PDIA6: variants seen among roughly 807,000 people sequenced by gnomAD.
The protein encoded by PDIA6 is protein disulfide isomerase family A member 6, also known as protein disulfide-isomerase A6.
Under a neutral mutation model 58.4 loss-of-function variants are expected in PDIA6, and 29 were observed. That is an observed-to-expected ratio of 0.50 (90% CI 0.37 to 0.68). The LOEUF is 0.68. PDIA6 is among the 30% of genes least tolerant of loss of function. The probability of loss-of-function intolerance (pLI) is 0.00; values close to 1 mark genes in which losing one functional copy is unlikely to be tolerated. For synonymous variants in PDIA6, 192 were observed against 202.6 expected (o/e 0.95, Z 0.44); for missense variants, 480 against 551.0 (o/e 0.87, Z 1.29).
chr2:10,787,158 GA>G, intron 11 of PDIA6, 122 bp downstream of exon 11: 1 of 826,540 alleles, frequency 1.2e-6, no homozygotes, highest in Non-Finnish European at 2.0e-6. Flanking sequence ...CAATTCTCTG[GA>G]ATTAGTTTGC....
chr2:10,783,697 G>C lies in PDIA6; in HGVS notation c.*561C>G, dbSNP rs935682422. On this transcript the variant is annotated 3_prime_UTR_variant, in exon 13 of 13. Coordinates refer to ENST00000272227, the MANE Select transcript of PDIA6 (RefSeq NM_005742.4). ...AGCCCGGTTTCCATGTAAAATCTCT[G>C]TTGTGGTGGGCATAGGTGGCACCAT... 1 of 163,174 alleles carries C rather than the reference G, an allele frequency of 6.1e-6. No individual in the cohort carries two copies. The highest frequency in any genetic ancestry group is 2.4e-5 in the African/African-American group (1 of 41,516). The allele number at this position is 163,174 out of a possible 1,614,324, so 10.1% of individuals were successfully genotyped here.
intron 1 of PDIA6, among the ~76,000 whole-genome samples, chr2:10,811,827 C>CCCCTGCGTCTTAAG (rs1251866947): frequency 1.3e-5 from 2 of 152,236 alleles, no homozygotes; most frequent in African/African-American, 2.4e-5. Context: ...ATGCGAAGCG[C>CCCCTGCGTCTTAAG]CCCTGCGTCT....
intron 4 of PDIA6, among the ~76,000 whole-genome samples, chr2:10,795,492 CG>C (rs1422955777): frequency 3.3e-4 from 14 of 42,648 alleles, no homozygotes; most frequent in Non-Finnish European, 9.3e-4. Flanking sequence ...CATCTTCAGA[CG>C]AAGACGAAGA....
chr2:10,831,264 C>T (rs769836940), intron 1 of PDIA6, among the ~76,000 whole-genome samples: 5 of 152,208 alleles, frequency 3.3e-5, no homozygotes, highest in Admixed American at 6.5e-5. Flanking sequence ...GTGGCGCTGC[C>T]CTCCTCCCGG....
chr2:10,802,310 C>T (rs184869414), intron 2 of PDIA6, among the ~76,000 whole-genome samples, 189 bp downstream of exon 2: 2 of 152,278 alleles, frequency 1.3e-5, no homozygotes, highest in Admixed American at 6.5e-5. Context: ...CACGCATCAC[C>T]TCATCAAAAG....
intron 2 of PDIA6, among the ~76,000 whole-genome samples, chr2:10,801,917 G>A (rs1329414921): frequency 6.6e-6 from 1 of 152,196 alleles, no homozygotes; most frequent in Non-Finnish European, 1.5e-5. Context: ...AGCTGGCTAG[G>A]GTTTGGTTCT....
intron 12 of PDIA6, 23 bp downstream of exon 12, chr2:10,784,911 C>A (rs750813976): frequency 1.3e-6 from 2 of 1,503,010 alleles, no homozygotes; most frequent in African/African-American, 2.8e-5. Context: ...GCTGCCCGCA[C>A]AGCTTCCCTC....
chr2:10,815,733 C>A (rs201627345), upstream of PDIA6, among the ~76,000 whole-genome samples: 5 of 152,054 alleles, frequency 3.3e-5, no homozygotes, highest in East Asian at 9.6e-4. Context: ...TTAGTAGAGA[C>A]GGGGTTTCAC....
intron 11 of PDIA6, among the ~76,000 whole-genome samples, chr2:10,786,087 C>T (rs1277077411): frequency 6.6e-6 from 1 of 152,102 alleles, no homozygotes; most frequent in Non-Finnish European, 1.5e-5. Context: ...TTTTGGGAGG[C>T]TGAGGTGGGT....
chr2:10,793,455 C>T (rs1010158267), intron 4 of PDIA6, among the ~76,000 whole-genome samples: 15 of 152,258 alleles, frequency 9.9e-5, no homozygotes, highest in Admixed American at 4.6e-4. Context: ...CACCCTGTTG[C>T]CCAGGCTGGA....
intron 8 of PDIA6, among the ~76,000 whole-genome samples, chr2:10,789,248 C>G (rs1558439621): frequency 7.0e-6 from 1 of 143,616 alleles, no homozygotes; most frequent in Non-Finnish European, 1.6e-5. Flanking sequence ...CTGGACACAG[C>G]CTGGCTCTGC....
At chr2:10,833,001 C>CG (rs1667748094), upstream of PDIA6, among the ~76,000 whole-genome samples, 2 of 152,174 alleles carry the variant, frequency 1.3e-5, no homozygotes, top group Non-Finnish European at 2.9e-5. Flanking sequence ...GGTCACTCTC[C>CG]TTAAAAGGCC....
chr2:10,810,476 C>T (rs1169973891), intron 1 of PDIA6: 7 of 1,313,290 alleles, frequency 5.3e-6, no homozygotes, highest in South Asian at 4.9e-5. Context: ...CTTCCCTTTC[C>T]GTATAAAGAC....
In PDIA6 at chr2:10,790,503, T is replaced by C. The variant is rs1341789639; in HGVS notation, c.699+216A>G. Among the ~76,000 whole-genome samples the C allele has an allele frequency of 3.9e-5, 6 of 152,196 alleles. No individual in the cohort carries two copies. The South Asian group carries it at 1.2e-3, about 32-fold the overall frequency. Reference sequence around the variant, plus strand: ...AGTCTGGGCAAGCTGAAACCTCACATTAAGTATATACCAGAAGCAGTGTGA... The same window carrying C: ...AGTCTGGGCAAGCTGAAACCTCACACTAAGTATATACCAGAAGCAGTGTGA... On this transcript the variant is annotated intron_variant, in intron 7 of 12. Transcript: ENST00000272227.
chr2:10,813,750 C>T (rs1051747323), upstream of PDIA6, among the ~76,000 whole-genome samples: 3 of 152,208 alleles, frequency 2.0e-5, no homozygotes, highest in African/African-American at 7.2e-5. Context: ...ATTCTCTTGC[C>T]TCAGCTTCCC....
At chr2:10,825,662 A>G (rs1164665934) in intron 1 of PDIA6, among the ~76,000 whole-genome samples, 5 of 152,240 alleles carry the variant, frequency 3.3e-5, no homozygotes. Flanking sequence ...AAAAATGCCC[A>G]AAGGATCTGA....
At chr2:10,789,452 G>A (rs1171855623) in intron 8 of PDIA6, among the ~76,000 whole-genome samples, 2 of 151,796 alleles carry the variant, frequency 1.3e-5, no homozygotes, top group Non-Finnish European at 2.9e-5. Flanking sequence ...ACACCAGAAC[G>A]GTGCCTGTTA....
rs189599067 is a variant in PDIA6, at chr2:10,788,973, G to A, written c.849C>T (p.Asn283=). The A allele has an allele frequency of 1.4e-5, 22 of 1,613,574 alleles. No individual in the cohort carries two copies. Among genetic ancestry groups the A allele is most frequent in the Middle Eastern group, 1.7e-4 (1 of 6,060 alleles). Residue 283 remains asparagine, a synonymous_variant, in exon 9 of 13, where the codon AAC becomes AAT. Coordinates refer to ENST00000272227, the MANE Select transcript of PDIA6 (RefSeq NM_005742.4). ...APPPELLEII[N]EDIAKRTCEE... is the part of the protein sequence containing the mutation. The stretch of plus-strand genomic sequence containing the variant: ...CACACGTCCTCTTGGCAATGTCCTC[G>A]TTGATAATCTGTGGGACCCAAAAGA...
chr2:10,817,076 G>A (rs987229006), upstream of PDIA6, among the ~76,000 whole-genome samples: 5 of 151,818 alleles, frequency 3.3e-5, no homozygotes, highest in African/African-American at 4.8e-5. Flanking sequence ...CTTTGCCGAC[G>A]CACACACACA....
Sources: allele counts gnomAD v4.1 joint callset (sites outside exome capture counted in the v4.1 genomes callset), GRCh38; gene constraint gnomAD v4.1.1; transcripts MANE v1.5; gene names NCBI Gene and HGNC (gene_info 2026-07-23, HGNC 2026-07-21).